The following MMAA variants were observed in gnomAD, a reference collection of about 807,000 sequenced individuals.
MMAA encodes methylmalonic aciduria type A protein, mitochondrial.
In MMAA, 41 loss-of-function variants were observed where a neutral mutation model predicts 45.0. The ratio of observed to expected loss-of-function variants is 0.91; its 90% CI spans 0.71 to 1.18. The LOEUF (loss-of-function observed/expected upper bound fraction) is 1.18. MMAA is among the 50% of genes most tolerant of loss of function. The pLI is 0.00. For missense variants in MMAA, 460 were observed against 495.7 expected, an observed-to-expected ratio of 0.93 and a Z score of 0.68; for synonymous variants, 154 against 178.2, an observed-to-expected ratio of 0.86 and a Z score of 1.08.
At chr4:145,619,833 C>CT (rs1049667098) in intron 1 of MMAA, among the ~76,000 whole-genome samples, 7 of 152,098 alleles carry the variant, frequency 4.6e-5, no homozygotes, top group African/African-American at 1.7e-4. Flanking sequence ...AATTGAAACT[C>CT]TTTTCTGGGA....
Position 145,634,785 on chromosome 4 carries a change from G to C in MMAA, c.-65-4290G>C, listed in dbSNP as rs74527347. On this transcript the variant is annotated intron_variant, in intron 1 of 6. Coordinates refer to ENST00000649156, the MANE Select transcript of MMAA (RefSeq NM_172250.3). ...GTCAGCAGGTGATGAATCCTGCCAGGACTGGCTCCTTTTCTTTAACGCAGC... is the reference window on the plus strand; with the variant it reads ...GTCAGCAGGTGATGAATCCTGCCAGCACTGGCTCCTTTTCTTTAACGCAGC... 2.4e-3 allele frequency among the ~76,000 whole-genome samples: 363 copies of C among 151,536 alleles called. 2 individuals carry two copies. The highest frequency in any genetic ancestry group is 8.2e-3 in the African/African-American group (337 of 41,248).
chr4:145,646,070 C>G lies in MMAA; in HGVS notation c.647C>G (p.Thr216Ser), dbSNP rs776168690. Residue 216 changes from threonine to serine, a missense_variant, in exon 4 of 7, where the codon ACT becomes AGT. Transcript: ENST00000649156. ...AYIRPSPTRG[T>S]LGGVTRTTNE... ...ATCAGGCCATCTCCTACTAGAGGAA[C>G]TTTAGGAGGCGTGACAAGGACCACA... 3 of 1,614,040 alleles carry G rather than the reference C, an allele frequency of 1.9e-6. No homozygotes were observed. The East Asian group carries it at 6.7e-5, about 36-fold the overall frequency.
At chr4:145,632,152 G>T (rs189101466) in intron 1 of MMAA, among the ~76,000 whole-genome samples, 2 of 152,074 alleles carry the variant, frequency 1.3e-5, no homozygotes, top group Admixed American at 6.5e-5. Context: ...TTTCTTTCTT[G>T]CTGAAGTGTC....
At chr4:145,644,319 G>T (rs1214666104) in intron 3 of MMAA, among the ~76,000 whole-genome samples, 1 of 152,146 alleles carries the variant, frequency 6.6e-6, no homozygotes, top group African/African-American at 2.4e-5. Flanking sequence ...CTTAGAAAAA[G>T]GTTGTATGTG....
chr4:145,625,045 A>G (rs1734173130), intron 1 of MMAA: 2 of 904,692 alleles, frequency 2.2e-6, no homozygotes, highest in East Asian at 2.4e-5. Flanking sequence ...CAAACTTCTC[A>G]CCGGTTTCAT....
chr4:145,645,985 G>T lies in MMAA; in HGVS notation c.563-1G>T. 6.2e-7 allele frequency: 1 copy of T among 1,613,756 alleles called. No homozygotes were observed. Among genetic ancestry groups the T allele is most frequent in the South Asian group, 1.1e-5 (1 of 91,058 alleles). ...TTATAAAATGTAACTGTATGTTTTA[G>T]GATCACTCTTAGGTGATAAAACCCG... On this transcript the variant is annotated splice_acceptor_variant, in intron 3 of 6. Coordinates refer to ENST00000649156, the MANE Select transcript of MMAA (RefSeq NM_172250.3). LOFTEE classifies it high-confidence loss of function.
At chr4:145,637,870 C>G (rs148864166) in intron 1 of MMAA, among the ~76,000 whole-genome samples, 4 of 152,322 alleles carry the variant, frequency 2.6e-5, no homozygotes, top group Non-Finnish European at 5.9e-5. Flanking sequence ...CACAACCACT[C>G]TGCTTTCTTA....
In MMAA at chr4:145,658,691, C is replaced by CAAAAAAAAA. The variant is rs33978754; in HGVS notation, c.*3266_*3274dup. On this transcript the variant is annotated 3_prime_UTR_variant, in exon 7 of 7. Coordinates refer to ENST00000649156, the MANE Select transcript of MMAA (RefSeq NM_172250.3). ...AATTTATGTAGTTGAACCTCTAAGG[C>CAAAAAAAAA]AAAAAAAAAAAAAAAAAGGAAAAAT... The CAAAAAAAAA allele has an allele frequency of 2.3e-5, 2 of 88,710 alleles. No individual in the cohort carries two copies. Among genetic ancestry groups the CAAAAAAAAA allele is most frequent in the African/African-American group, 3.6e-5 (1 of 27,404 alleles). 5.5% of individuals were successfully genotyped at this position (88,710 alleles called of 1,614,324 possible).
intron 4 of MMAA, among the ~76,000 whole-genome samples, chr4:145,648,817 T>A (rs1449570340): frequency 6.6e-6 from 1 of 151,918 alleles, no homozygotes; most frequent in Non-Finnish European, 1.5e-5. Context: ...AAACCCCGTC[T>A]CTACAGAAAA....
rs1052972132 is a variant in MMAA at position 145,626,093 on chromosome 4, T to C, written c.-66+6686T>C. 9.9e-6 allele frequency: 7 copies of C among 706,342 alleles called. No homozygotes were observed. The African/African-American group carries it at 1.2e-4, about 13-fold the overall frequency. The allele number at this position is 706,342 out of a possible 1,614,324, so 43.8% of individuals were successfully genotyped here. A position where few individuals can be genotyped will look rare whatever the true frequency, so the allele number is the denominator to read the frequency against. The stretch of plus-strand genomic sequence containing the variant: ...TGGGGCAGTCGGAGGGGACCTTGGG[T>C]GGACTGAGACACGGCCCCACACAAA... On this transcript the variant is annotated intron_variant, in intron 1 of 6. Transcript: ENST00000649156.
intron 2 of MMAA, 104 bp downstream of exon 2, chr4:145,639,682 T>C (rs2126617735): frequency 2.0e-6 from 3 of 1,463,964 alleles, no homozygotes; most frequent in Non-Finnish European, 2.7e-6. Flanking sequence ...TGGCGACTTT[T>C]TTCACAATAT....
intron 5 of MMAA, among the ~76,000 whole-genome samples, chr4:145,652,654 C>T (rs983881825): frequency 1.5e-4 from 23 of 151,686 alleles, no homozygotes; most frequent in Non-Finnish European, 1.8e-4. Context: ...GGCTTGAACC[C>T]GGGAGGCAGA....
chr4:145,639,515 G>T lies in MMAA; in HGVS notation c.376G>T (p.Val126Leu). 6.2e-7 allele frequency: 1 copy of T among 1,613,720 alleles called. No individual in the cohort carries two copies. Among genetic ancestry groups the T allele is most frequent in the Admixed American group, 1.7e-5 (1 of 59,970 alleles). ...GTTAGCCCAGGTGCTTCTTCAGAAA[G>T]TATTACTTTACCACAGAGAACAAGA... ...KELAQVLLQK[V>L]LLYHREQEQS... is the part of the protein sequence containing the mutation. The change falls in exon 2 of 7, where the codon GTA becomes TTA. Residue 126 changes from valine to leucine, a missense_variant. Physicochemically the swap from Val to Leu is conservative, Grantham distance 32 (BLOSUM62 1). Coordinates refer to ENST00000649156, the MANE Select transcript of MMAA (RefSeq NM_172250.3).
chr4:145,630,457 G>A (rs182882621), intron 1 of MMAA, among the ~76,000 whole-genome samples: 10 of 152,160 alleles, frequency 6.6e-5, no homozygotes, highest in South Asian at 6.2e-4. Context: ...GGCCGGGTGC[G>A]GTGGCTAACA....
intron 4 of MMAA, chr4:145,650,765 C>G: frequency 2.3e-6 from 1 of 432,946 alleles, no homozygotes; most frequent in Non-Finnish European, 4.2e-6. Context: ...TCAAGCTGCT[C>G]GCTGATGAAA....
chr4:145,647,157 GAT>G (rs1351396016), intron 4 of MMAA, among the ~76,000 whole-genome samples: 1 of 152,180 alleles, frequency 6.6e-6, no homozygotes, highest in East Asian at 1.9e-4. Context: ...ATGGCGATGA[GAT>G]AGATCAACAA....
At chr4:145,639,615 T>A (rs760789947) in intron 2 of MMAA, 37 bp downstream of exon 2, 69 of 1,584,712 alleles carry the variant, frequency 4.4e-5, no homozygotes, top group Non-Finnish European at 5.1e-6. Context: ...GTAAATATTT[T>A]TACAAATTCT....
chr4:145,650,753 G>A (rs1177521466), intron 4 of MMAA: 3 of 415,804 alleles, frequency 7.2e-6, no homozygotes, highest in Admixed American at 3.9e-5. Context: ...GAGTCACAGT[G>A]TTCAAGCTGC....
At chr4:145,623,342 A>G (rs1471324876) in intron 1 of MMAA, among the ~76,000 whole-genome samples, 1 of 152,142 alleles carries the variant, frequency 6.6e-6, no homozygotes, top group African/African-American at 2.4e-5. Flanking sequence ...TCTTTTGCCT[A>G]TTTGCTTAGT....
Sources: allele counts gnomAD v4.1 joint callset (sites outside exome capture counted in the v4.1 genomes callset), GRCh38; gene constraint gnomAD v4.1.1; transcripts MANE v1.5; gene names NCBI Gene and HGNC (gene_info 2026-07-23, HGNC 2026-07-21).